ZFPM2: variants seen among roughly 807,000 people sequenced by gnomAD.
The protein encoded by ZFPM2 is zinc finger protein, FOG family member 2.
A neutral mutation model predicts 98.6 loss-of-function variants in ZFPM2; 20 were observed. The observed-to-expected ratio is 0.20, with a 90% CI of 0.14 to 0.29. The LOEUF is 0.29. Among genes scored for constraint, ZFPM2 ranks in the 10% least tolerant of loss-of-function variants. The pLI is 1.00. For synonymous variants in ZFPM2, 518 were observed against 502.7 expected, an observed-to-expected ratio of 1.03 and a Z score of -0.41; for missense variants, 1,310 against 1,388.6, an observed-to-expected ratio of 0.94 and a Z score of 0.90.
rs1491232192 is a variant in ZFPM2, at chr8:105,443,312, C to CAAAA, written c.200-965_200-962dup. Among the ~76,000 whole-genome samples, 442 of 115,238 alleles carry CAAAA rather than the reference C, an allele frequency of 3.8e-3. 52 individuals carry two copies. The highest frequency in any genetic ancestry group is 0.012 in the African/African-American group (294 of 24,234). 75.6% of individuals were successfully genotyped at this position (115,238 alleles called of 152,430 possible). The stretch of plus-strand genomic sequence containing the variant: ...TGACAGAGCGAGTAAGACTCCTTCT[C>CAAAA]AAAAAACAAAAAACAAAAAAAAAAA... On this transcript the variant is annotated intron_variant, in intron 2 of 7. Transcript: ENST00000407775.
At chr8:105,471,164 A>G (rs1473635467) in intron 3 of ZFPM2, among the ~76,000 whole-genome samples, 2 of 152,040 alleles carry the variant, frequency 1.3e-5, no homozygotes, top group Non-Finnish European at 2.9e-5. Context: ...GGCTGTTTCC[A>G]TCTCTGAATT....
At chr8:105,482,725 A>G (rs1471004781) in intron 3 of ZFPM2, among the ~76,000 whole-genome samples, 2 of 152,126 alleles carry the variant, frequency 1.3e-5, no homozygotes, top group Non-Finnish European at 2.9e-5. Context: ...ACACCCTCCT[A>G]TTTTACATGA....
At chr8:105,445,058 C>T (rs1338074847) in intron 3 of ZFPM2, among the ~76,000 whole-genome samples, 1 of 152,128 alleles carries the variant, frequency 6.6e-6, no homozygotes, top group Non-Finnish European at 1.5e-5. Context: ...ACTATTATGT[C>T]ACAAGGTTTA....
chr8:105,499,667 A>G (rs1375289323), intron 3 of ZFPM2, among the ~76,000 whole-genome samples: 2 of 114,980 alleles, frequency 1.7e-5, no homozygotes, highest in African/African-American at 3.7e-5. Context: ...CTTAAAATTG[A>G]ATCTGAAACA....
rs570493863 is a variant in ZFPM2, at chr8:105,521,270, T to C, written c.302-40093T>C. Among the ~76,000 whole-genome samples the C allele has an allele frequency of 3.2e-4, 49 of 151,964 alleles. 1 individual carries two copies. In the Middle Eastern group the frequency reaches 0.01, roughly 32 times the overall value. ...GAAACTGTGAGCAATTTCTAGAAGA[T>C]GGAAAGTAAATAGAACTGTACTCCT... On this transcript the variant is annotated intron_variant, in intron 3 of 7. Coordinates refer to ENST00000407775, the MANE Select transcript of ZFPM2 (RefSeq NM_012082.4).
chr8:105,346,332 C>T (rs1330794547), intron 1 of ZFPM2, among the ~76,000 whole-genome samples: 1 of 150,526 alleles, frequency 6.6e-6, no homozygotes, highest in African/African-American at 2.4e-5. Flanking sequence ...TGCAGTGAGC[C>T]GAGATCACGC....
chr8:105,730,528 G>A (rs1272216066), intron 5 of ZFPM2, among the ~76,000 whole-genome samples: 3 of 151,606 alleles, frequency 2.0e-5, no homozygotes, highest in Non-Finnish European at 4.4e-5. Flanking sequence ...TTGCTCCAGC[G>A]AGGGATTGCT....
chr8:105,585,021 AAAT>A (rs1815682056), intron 4 of ZFPM2, among the ~76,000 whole-genome samples: 1 of 152,332 alleles, frequency 6.6e-6, no homozygotes, highest in East Asian at 1.9e-4. Context: ...ATGGTGGAAT[AAAT>A]AATAGTGCTC....
chr8:105,653,155 A>G (rs1294318742), intron 5 of ZFPM2, among the ~76,000 whole-genome samples: 1 of 152,224 alleles, frequency 6.6e-6, no homozygotes, highest in Non-Finnish European at 1.5e-5. Context: ...TAGTTTAAGA[A>G]AGTGAACACA....
At chr8:105,665,532 C>T (rs1330948162) in intron 5 of ZFPM2, among the ~76,000 whole-genome samples, 1 of 152,122 alleles carries the variant, frequency 6.6e-6, no homozygotes. Flanking sequence ...ATTGCATTCT[C>T]TGTTCAGGAA....
chr8:105,695,716 A>G (rs6469011), intron 5 of ZFPM2, among the ~76,000 whole-genome samples: 75,351 of 151,550 alleles, frequency 0.5, 19,612 homozygotes, highest in East Asian at 0.7. Context: ...ACATTAGAGA[A>G]ATAAAATATT....
intron 3 of ZFPM2, among the ~76,000 whole-genome samples, chr8:105,494,152 G>C (rs1420726252): frequency 8.3e-6 from 1 of 121,012 alleles, no homozygotes; most frequent in Non-Finnish European, 1.7e-5. Flanking sequence ...CAAATATGTA[G>C]CTTTAGCTCA....
At chr8:105,525,109 G>A (rs1202096301) in intron 3 of ZFPM2, among the ~76,000 whole-genome samples, 2 of 152,086 alleles carry the variant, frequency 1.3e-5, no homozygotes, top group East Asian at 3.9e-4. Flanking sequence ...AAACCTGTTT[G>A]TGACCCCTAT....
intron 4 of ZFPM2, among the ~76,000 whole-genome samples, chr8:105,580,813 C>G (rs1439333372): frequency 9.3e-6 from 1 of 107,654 alleles, no homozygotes; most frequent in Non-Finnish European, 1.8e-5. Flanking sequence ...CTCTCTCTCT[C>G]TCTCTCTCTC....
intron 3 of ZFPM2, among the ~76,000 whole-genome samples, chr8:105,492,545 T>TAA (rs1813377445): frequency 1.3e-5 from 2 of 152,094 alleles, no homozygotes; most frequent in African/African-American, 4.8e-5. Context: ...GCCCTACACA[T>TAA]AAAGGCCAAC....
Position 105,801,668 on chromosome 8 carries a change from G to A in ZFPM2, c.1586G>A (p.Arg529Lys), listed in dbSNP as rs775558578. ...KMSELVHRRL[R>K]HGSSSYPPVI... Reference sequence around the variant, plus strand: ...TCTGAACTGGTGCATCGGCGACTGAGGCATGGCAGTAGTAGCTACCCTCCC... The same window carrying A: ...TCTGAACTGGTGCATCGGCGACTGAAGCATGGCAGTAGTAGCTACCCTCCC... Residue 529 changes from arginine to lysine, a missense_variant, in exon 8 of 8, where the codon AGG becomes AAG. Physicochemically the swap from Arg to Lys is conservative, Grantham distance 26. Coordinates refer to ENST00000407775, the MANE Select transcript of ZFPM2 (RefSeq NM_012082.4). The A allele has an allele frequency of 1.2e-6, 2 of 1,613,660 alleles. No individual in the cohort carries two copies. The highest frequency in any genetic ancestry group is 2.2e-5 in the East Asian group (1 of 44,860).
At chr8:105,598,661 A>G (rs1014382376) in intron 4 of ZFPM2, among the ~76,000 whole-genome samples, 6 of 152,108 alleles carry the variant, frequency 3.9e-5, no homozygotes, top group African/African-American at 1.4e-4. Context: ...TATTTCCAAA[A>G]TGCTGACTTT....
At chr8:105,717,440 C>T (rs922877475) in intron 5 of ZFPM2, among the ~76,000 whole-genome samples, 1 of 151,942 alleles carries the variant, frequency 6.6e-6, no homozygotes, top group African/African-American at 2.4e-5. Context: ...TGATTTTCCT[C>T]CATTTGCATT....
chr8:105,456,161 T>TTG (rs373363830), intron 3 of ZFPM2, among the ~76,000 whole-genome samples: 7,302 of 145,760 alleles, frequency 0.05, 755 homozygotes, highest in African/African-American at 0.18. Flanking sequence ...TTTTTGTTTG[T>TTG]TTGTTTGTTT....
Sources: allele counts gnomAD v4.1 joint callset (sites outside exome capture counted in the v4.1 genomes callset), GRCh38; gene constraint gnomAD v4.1.1; transcripts MANE v1.5; gene names NCBI Gene and HGNC (gene_info 2026-07-23, HGNC 2026-07-21).